CD99: variants seen among roughly 807,000 people sequenced by gnomAD.
CD99 encodes CD99 molecule (Xg blood group).
A neutral mutation model predicts 28.4 loss-of-function variants in CD99; 19 were observed. The observed-to-expected ratio is 0.67, with a 90% CI of 0.47 to 0.98. The LOEUF (loss-of-function observed/expected upper bound fraction) is 0.98, where lower values mean the gene tolerates loss of function less well. Among genes scored for constraint, CD99 ranks in the 50% least tolerant of loss-of-function variants. CD99 has a pLI of 0.00. For synonymous variants in CD99, 103 were observed against 92.1 expected (o/e 1.12, Z -0.67); for missense variants, 283 against 248.8 (o/e 1.14, Z -0.92).
intron 1 of CD99, among the ~76,000 whole-genome samples, chrX:2,709,190 T>C (rs962243069): frequency 2.6e-5 from 2 of 76,490 alleles, no homozygotes; most frequent in East Asian, 4.3e-4. Flanking sequence ...CATGCACACA[T>C]ACACAGGCAC....
intron 1 of CD99, among the ~76,000 whole-genome samples, chrX:2,703,164 C>G (rs1377226096): frequency 6.6e-6 from 1 of 152,210 alleles, no homozygotes; most frequent in Non-Finnish European, 1.5e-5. Context: ...CGGGCCAGCG[C>G]GTACTGTCAA....
At position 2,726,288 on chromosome X, in the gene CD99, T is replaced by C. The variant is rs1386451327; in HGVS notation, c.390T>C (p.Ile130=). Residue 130 remains isoleucine (I), a synonymous_variant, in exon 8 of 10, where the codon ATT becomes ATC. Transcript: ENST00000381192. ...EADAPGVIPG[I]VGAVVVAVAG... is the part of the protein sequence containing the mutation. ...ACGCCCCAGGCGTGATCCCCGGGATTGTGGGGGCTGTCGTGGTCGCCGTGG... is the reference window on the plus strand; with the variant it reads ...ACGCCCCAGGCGTGATCCCCGGGATCGTGGGGGCTGTCGTGGTCGCCGTGG... 2 of 1,611,734 alleles carry C rather than the reference T, an allele frequency of 1.2e-6. No individual in the cohort carries two copies. Among genetic ancestry groups the C allele is most frequent in the South Asian group, 2.2e-5 (2 of 90,976 alleles).
chrX:2,722,908 C>T (rs1232009539), intron 6 of CD99, among the ~76,000 whole-genome samples: 1 of 152,226 alleles, frequency 6.6e-6, no homozygotes, highest in Non-Finnish European at 1.5e-5. Flanking sequence ...GCAGCTGCCC[C>T]ACTTTTCTGA....
Position 2,741,038 on chromosome X carries a change from C to CGG in CD99, c.*240_*241dup. The CGG allele has an allele frequency of 1.7e-6, 1 of 574,562 alleles. No individual in the cohort carries two copies. The allele number at this position is 574,562 out of a possible 1,614,324, so 35.6% of individuals were successfully genotyped here. A position where few individuals can be genotyped will look rare whatever the true frequency, so the allele number is the denominator to read the frequency against. Reference sequence around the variant, plus strand: ...ACTTGGACCCCCATTCTCCAAGGCCCGGGGGGGCGGTTTCCCATGGGATGT... The same window carrying CGG: ...ACTTGGACCCCCATTCTCCAAGGCCCGGGGGGGGGCGGTTTCCCATGGGATGT... On this transcript the variant is annotated 3_prime_UTR_variant, in exon 10 of 10. Transcript: ENST00000381192.
intron 1 of CD99, among the ~76,000 whole-genome samples, chrX:2,694,684 C>T (rs141470290): frequency 6.1e-4 from 93 of 151,960 alleles, no homozygotes; most frequent in South Asian, 4.6e-3. Flanking sequence ...GCCCGGGAAG[C>T]AGAGGTTGCA....
At chrX:2,702,082 C>T (rs1444140598) in intron 1 of CD99, among the ~76,000 whole-genome samples, 3 of 152,140 alleles carry the variant, frequency 2.0e-5, no homozygotes, top group South Asian at 4.1e-4. Flanking sequence ...AACTGGGGTG[C>T]GGAGCTGTGC....
intron 2 of CD99, among the ~76,000 whole-genome samples, chrX:2,716,426 G>A (rs1000332763): frequency 2.5e-4 from 38 of 151,966 alleles, no homozygotes; most frequent in South Asian, 1.2e-3. Context: ...AGCCTTGACC[G>A]TCTGGGCTCA....
Position 2,692,923 on chromosome X carries a change from C to G in CD99, c.67+1496C>G, listed in dbSNP as rs765711628. On this transcript the variant is annotated intron_variant, in intron 1 of 9. Coordinates refer to ENST00000381192, the MANE Select transcript of CD99 (RefSeq NM_002414.5). ...GAACAGAGGCATCTGAACAGGCAGA[C>G]GGGAGACAGGGCCACAGGGACCTTT... 8.5e-4 allele frequency among the ~76,000 whole-genome samples: 129 copies of G among 152,204 alleles called. 1 individual carries two copies. In the South Asian group the frequency reaches 0.026, roughly 31 times the overall value.
intron 1 of CD99, among the ~76,000 whole-genome samples, chrX:2,710,831 A>T (rs2048363304): frequency 6.7e-6 from 1 of 149,744 alleles, no homozygotes; most frequent in Non-Finnish European, 1.5e-5. Context: ...CAGTCCCTCT[A>T]CTAATGTATC....
At chrX:2,737,779 A>C (rs1168767720) in intron 8 of CD99, 1 of 341,764 alleles carries the variant, frequency 2.9e-6, no homozygotes, top group African/African-American at 2.1e-5. Flanking sequence ...TACAGGCGTG[A>C]GTCACCACGC....
intron 2 of CD99, among the ~76,000 whole-genome samples, chrX:2,716,536 G>C (rs1442935157): frequency 1.3e-5 from 2 of 152,096 alleles, no homozygotes; most frequent in African/African-American, 2.4e-5. Flanking sequence ...GTGTTGCTCA[G>C]ATTGGAGTGC....
chrX:2,716,754 C>T (rs2048742234), intron 2 of CD99, among the ~76,000 whole-genome samples: 1 of 152,216 alleles, frequency 6.6e-6, no homozygotes, highest in African/African-American at 2.4e-5. Context: ...TGACCACCTA[C>T]CCCTTCTTGG....
chrX:2,709,980 G>A (rs1870913739), intron 1 of CD99, among the ~76,000 whole-genome samples: 2 of 152,164 alleles, frequency 1.3e-5, no homozygotes, highest in Admixed American at 1.3e-4. Context: ...AAAAAAAAAT[G>A]TGTACCACAT....
chrX:2,719,690 G>C lies in CD99; in HGVS notation c.178G>C (p.Val60Leu). 1.2e-6 allele frequency: 2 copies of C among 1,613,930 alleles called. No individual in the cohort carries two copies. Among genetic ancestry groups the C allele is most frequent in the Non-Finnish European group, 1.7e-6 (2 of 1,179,830 alleles). ...GDDFDLGDAV[V>L]DGENDDPRPP... The stretch of plus-strand genomic sequence containing the variant: ...TGACTTTGACTTAGGAGATGCTGTT[G>C]TTGATGGAGAAAATGGTGAGTATTT... The change falls in exon 4 of 10, where the codon GTT becomes CTT. Residue 60 changes from valine to leucine, a missense_variant. Coordinates refer to ENST00000381192, the MANE Select transcript of CD99 (RefSeq NM_002414.5).
intron 7 of CD99, 114 bp downstream of exon 7, chrX:2,723,478 C>G (rs544694451): frequency 8.2e-7 from 1 of 1,214,890 alleles, no homozygotes; most frequent in Admixed American, 1.7e-5. Context: ...AAGCTACTGG[C>G]AGGAGGCACG....
rs191425418 is a variant in CD99 at position 2,740,879 on chromosome X, C to T, written c.*75C>T. On this transcript the variant is annotated 3_prime_UTR_variant, in exon 10 of 10. Transcript: ENST00000381192. Reference sequence around the variant, plus strand: ...CTGCCTGAGGCTCCTCCCTGAAGGACACCTGCCTGAGAGCAGAGATGGAGG... The same window carrying T: ...CTGCCTGAGGCTCCTCCCTGAAGGATACCTGCCTGAGAGCAGAGATGGAGG... 1,445 of 1,519,320 alleles carry T rather than the reference C, an allele frequency of 9.5e-4. 3 individuals are homozygous for T. The highest frequency in any genetic ancestry group is 1.2e-3 in the Non-Finnish European group (1,282 of 1,093,538). The allele number at this position is 1,519,320 out of a possible 1,614,324, so 94.1% of individuals were successfully genotyped here. A position where few individuals can be genotyped will look rare whatever the true frequency, so the allele number is the denominator to read the frequency against.
At chrX:2,711,281 T>C (rs192919881) in intron 1 of CD99, among the ~76,000 whole-genome samples, 2 of 148,202 alleles carry the variant, frequency 1.3e-5, no homozygotes, top group African/African-American at 4.9e-5. Flanking sequence ...ATAATTCGTA[T>C]ATATAGTATG....
At position 2,733,340 on chromosome X, in the gene CD99, T is replaced by C. The variant is rs189183598; in HGVS notation, c.476-4860T>C. 1,843 of 1,576,720 alleles carry C rather than the reference T, an allele frequency of 1.2e-3. 15 individuals carry two copies. The Admixed American group carries it at 0.02, about 17-fold the overall frequency. Reference sequence around the variant, plus strand: ...TTTGTATTATTATTTTTTATCGTTTTCAACCTTCCATTTCAGATGGCTGAA... The same window carrying C: ...TTTGTATTATTATTTTTTATCGTTTCCAACCTTCCATTTCAGATGGCTGAA... On this transcript the variant is annotated intron_variant, in intron 8 of 9. Coordinates refer to ENST00000381192, the MANE Select transcript of CD99 (RefSeq NM_002414.5).
At chrX:2,707,720 A>G (rs1205539073) in intron 1 of CD99, among the ~76,000 whole-genome samples, 1 of 152,222 alleles carries the variant, frequency 6.6e-6, no homozygotes, top group Non-Finnish European at 1.5e-5. Context: ...GCAAATTTGC[A>G]GAGAGGCTGA....
Sources: allele counts gnomAD v4.1 joint callset (sites outside exome capture counted in the v4.1 genomes callset), GRCh38; gene constraint gnomAD v4.1.1; transcripts MANE v1.5; gene names NCBI Gene and HGNC (gene_info 2026-07-23, HGNC 2026-07-21).